The following ARMH3 variants were observed in gnomAD, a reference collection of about 807,000 sequenced individuals.
The protein encoded by ARMH3 is armadillo like helical domain containing 3, also known as armadillo-like helical domain-containing protein 3.
Under a neutral mutation model 99.1 loss-of-function variants are expected in ARMH3, and 60 were observed. The ratio of observed to expected loss-of-function variants is 0.61; its 90% CI spans 0.49 to 0.75. ARMH3 has a LOEUF of 0.75. Ranked by LOEUF, ARMH3 falls within the 30% of genes least tolerant of loss-of-function variation. The pLI is 0.00. For missense variants in ARMH3, 679 were observed against 843.1 expected (o/e 0.81, Z 2.41); for synonymous variants, 285 against 292.8 (o/e 0.97, Z 0.27).
intron 15 of ARMH3, among the ~76,000 whole-genome samples, chr10:101,997,299 A>C (rs2136039246): frequency 6.6e-6 from 1 of 151,354 alleles, no homozygotes; most frequent in African/African-American, 2.4e-5. Flanking sequence ...GGAATGATAA[A>C]TACAAAATTC....
At chr10:101,940,559 G>A (rs944450297) in intron 22 of ARMH3, among the ~76,000 whole-genome samples, 4 of 151,856 alleles carry the variant, frequency 2.6e-5, no homozygotes, top group African/African-American at 9.7e-5. Context: ...CCAATAACTC[G>A]TCATTTACAT....
At chr10:101,877,344 T>C (rs1449242450) in intron 24 of ARMH3, among the ~76,000 whole-genome samples, 1 of 151,890 alleles carries the variant, frequency 6.6e-6, no homozygotes, top group African/African-American at 2.4e-5. Flanking sequence ...ACCTGGGATA[T>C]AGAGTGAAAT....
intron 24 of ARMH3, among the ~76,000 whole-genome samples, chr10:101,871,516 T>G (rs949465032): frequency 6.6e-6 from 1 of 152,194 alleles, no homozygotes; most frequent in Non-Finnish European, 1.5e-5. Flanking sequence ...TGCACATACA[T>G]GTTCAATTGA....
At chr10:102,001,161 A>G (rs985643599) in intron 15 of ARMH3, among the ~76,000 whole-genome samples, 10 of 152,186 alleles carry the variant, frequency 6.6e-5, no homozygotes, top group African/African-American at 1.9e-4. Context: ...TAATGCAACT[A>G]AATAGTACAT....
chr10:101,957,581 G>C, intron 21 of ARMH3, 69 bp downstream of exon 21: 1 of 1,515,222 alleles, frequency 6.6e-7, no homozygotes, highest in Admixed American at 2.2e-5. Flanking sequence ...ACCAGCTCCT[G>C]TTTCAAACCA....
Position 102,012,890 on chromosome 10 carries a change from G to A in ARMH3, c.727-14C>T. ...AAGTCCCATTCCCTAGAAGGGAAAAGATAGCACAGGTGAAATAAGACAGTA... is the reference window on the plus strand; with the variant it reads ...AAGTCCCATTCCCTAGAAGGGAAAAAATAGCACAGGTGAAATAAGACAGTA... On this transcript the variant is annotated splice_polypyrimidine_tract_variant and intron_variant, in intron 9 of 25. Coordinates refer to ENST00000370033, the MANE Select transcript of ARMH3 (RefSeq NM_024541.3). 1 of 1,600,676 alleles carries A rather than the reference G, an allele frequency of 6.2e-7. No individual in the cohort carries two copies.
chr10:101,985,076 T>TACACACACAC (rs796894243), intron 19 of ARMH3, among the ~76,000 whole-genome samples: 126 of 129,120 alleles, frequency 9.8e-4, no homozygotes, highest in South Asian at 2.2e-3. Context: ...TAAAAATATA[T>TACACACACAC]ATACACACAC....
intron 15 of ARMH3, among the ~76,000 whole-genome samples, chr10:101,996,200 C>T (rs905472631): frequency 6.6e-5 from 10 of 152,174 alleles, no homozygotes; most frequent in Non-Finnish European, 1.5e-4. Context: ...GAGGATCATG[C>T]CAGCATAGCC....
At chr10:101,861,985 C>T (rs2066885289) in intron 24 of ARMH3, among the ~76,000 whole-genome samples, 1 of 129,772 alleles carries the variant, frequency 7.7e-6, no homozygotes, top group African/African-American at 2.9e-5. Flanking sequence ...GGAGGCGGAG[C>T]TTGCAGTGAG....
At chr10:101,944,479 T>C (rs924197216) in intron 22 of ARMH3, among the ~76,000 whole-genome samples, 2 of 151,834 alleles carry the variant, frequency 1.3e-5, no homozygotes, top group Non-Finnish European at 2.9e-5. Context: ...AGGCATGTGA[T>C]AATCATATTG....
intron 23 of ARMH3, among the ~76,000 whole-genome samples, chr10:101,926,683 A>G (rs1409980810): frequency 6.6e-6 from 1 of 152,226 alleles, no homozygotes; most frequent in Non-Finnish European, 1.5e-5. Context: ...TAGACCTTAT[A>G]AAAGTTATAA....
chr10:101,946,166 G>A (rs1422261446), intron 22 of ARMH3, among the ~76,000 whole-genome samples: 1 of 147,974 alleles, frequency 6.8e-6, no homozygotes, highest in Non-Finnish European at 1.5e-5. Context: ...CAAAAAAAGT[G>A]ACCAATTCTC....
At position 101,845,863 on chromosome 10, in the gene ARMH3, G is replaced by A. The variant is rs2066457141; in HGVS notation, c.*1665C>T. On this transcript the variant is annotated 3_prime_UTR_variant, in exon 26 of 26. Coordinates refer to ENST00000370033, the MANE Select transcript of ARMH3 (RefSeq NM_024541.3). ...CCAGGGAGGGCGAGTATCCCAAAGA[G>A]ATTTGAGGTTAAATGGATGGCAGTC... 1.3e-5 allele frequency: 2 copies of A among 152,252 alleles called. No homozygotes were observed. Among genetic ancestry groups the A allele is most frequent in the Non-Finnish European group, 2.9e-5 (2 of 68,058 alleles). 9.4% of individuals were successfully genotyped at this position (152,252 alleles called of 1,614,324 possible).
chr10:101,907,160 T>A (rs1052565216), intron 23 of ARMH3, among the ~76,000 whole-genome samples: 2 of 152,180 alleles, frequency 1.3e-5, no homozygotes, highest in African/African-American at 4.8e-5. Flanking sequence ...GGTAACAAGC[T>A]TTGGTTCCTT....
chr10:101,863,410 C>T (rs945233908), intron 24 of ARMH3, among the ~76,000 whole-genome samples: 3 of 152,012 alleles, frequency 2.0e-5, no homozygotes, highest in African/African-American at 4.8e-5. Context: ...GAAACAAAAT[C>T]GATAGGCTAA....
At chr10:102,022,409 G>A (rs549093595) in intron 8 of ARMH3, among the ~76,000 whole-genome samples, 8 of 147,542 alleles carry the variant, frequency 5.4e-5, no homozygotes, top group African/African-American at 1.5e-4. Flanking sequence ...AAAGAATGGC[G>A]TGAACCCAGG....
intron 24 of ARMH3, among the ~76,000 whole-genome samples, chr10:101,878,666 G>GA (rs969233950): frequency 8.8e-5 from 13 of 146,946 alleles, no homozygotes; most frequent in East Asian, 2.0e-4. Context: ...AAAGAAAAAG[G>GA]AAAAAAAAAA....
intron 20 of ARMH3, among the ~76,000 whole-genome samples, chr10:101,958,313 C>T (rs934011616): frequency 6.6e-6 from 1 of 152,186 alleles, no homozygotes; most frequent in Non-Finnish European, 1.5e-5. Context: ...GCTGACCTCT[C>T]GTTACAGTGA....
At position 101,990,601 on chromosome 10, in the gene ARMH3, T is replaced by C. The variant is rs199921324; in HGVS notation, c.1356A>G (p.Val452=). ...PLVCAVLDLM[V]EFIVTHMMKE... ...TCATCATGTGTGTTACAATAAACTC[T>C]ACCATCAGGTCTGAAAGGGGAATAG... Residue 452 remains valine (V), a synonymous_variant, in exon 19 of 26, where the codon GTA becomes GTG. Coordinates refer to ENST00000370033, the MANE Select transcript of ARMH3 (RefSeq NM_024541.3). The C allele has an allele frequency of 8.7e-6, 14 of 1,604,802 alleles. No individual in the cohort carries two copies. Among genetic ancestry groups the C allele is most frequent in the South Asian group, 1.1e-5 (1 of 90,762 alleles).
Sources: allele counts gnomAD v4.1 joint callset (sites outside exome capture counted in the v4.1 genomes callset), GRCh38; gene constraint gnomAD v4.1.1; transcripts MANE v1.5; gene names NCBI Gene and HGNC (gene_info 2026-07-23, HGNC 2026-07-21).